The following CSPP1 variants were observed in gnomAD, a reference collection of about 807,000 sequenced individuals.
CSPP1 encodes centrosome and spindle pole-associated protein 1.
A neutral mutation model predicts 164.4 loss-of-function variants in CSPP1; 126 were observed. That is an observed-to-expected ratio of 0.77 (90% CI 0.66 to 0.89). CSPP1 has a LOEUF of 0.89. CSPP1 is among the 40% of genes least tolerant of loss of function. The pLI is 0.00. For missense variants in CSPP1, 1,395 were observed against 1,449.8 expected (o/e 0.96, Z 0.61); for synonymous variants, 472 against 476.7 (o/e 0.99, Z 0.13).
chr8:67,138,203 A>G (rs572573682), intron 17 of CSPP1, among the ~76,000 whole-genome samples: 2 of 152,320 alleles, frequency 1.3e-5, no homozygotes, highest in South Asian at 4.1e-4. Flanking sequence ...ACAACTTGTT[A>G]TATACAGTTG....
intron 3 of CSPP1, chr8:67,083,851 T>G (rs1236384685): frequency 1.3e-5 from 2 of 152,016 alleles, no homozygotes; most frequent in Non-Finnish European, 2.9e-5. Context: ...CTCTATGCAG[T>G]CAGACCGCTA....
intron 15 of CSPP1, among the ~76,000 whole-genome samples, chr8:67,130,216 AC>A (rs1820937237): frequency 6.6e-6 from 1 of 152,318 alleles, no homozygotes; most frequent in South Asian, 2.1e-4. Context: ...TATACTTAAT[AC>A]CCCAATTATT....
intron 21 of CSPP1, 43 bp downstream of exon 21, chr8:67,159,180 T>C (rs1316061524): frequency 2.0e-6 from 3 of 1,536,148 alleles, no homozygotes; most frequent in African/African-American, 1.4e-5. Flanking sequence ...ATAGTTTAAC[T>C]CACTTTCACT....
In CSPP1 at chr8:67,195,747, A is replaced by C. The variant is rs549823805; in HGVS notation, c.*154A>C. On this transcript the variant is annotated 3_prime_UTR_variant, in exon 31 of 31. Coordinates refer to ENST00000678616, the MANE Select transcript of CSPP1 (RefSeq NM_001382391.1). The stretch of plus-strand genomic sequence containing the variant: ...ATTTTTATCATGATGTATATTATGT[A>C]CATAAATAAAAGGCCATGATTATTG... 9.7e-6 allele frequency: 6 copies of C among 616,098 alleles called. No individual in the cohort carries two copies. Among genetic ancestry groups the C allele is most frequent in the Non-Finnish European group, 1.7e-5 (6 of 345,122 alleles). 38.2% of individuals were successfully genotyped at this position (616,098 alleles called of 1,614,324 possible).
intron 28 of CSPP1, among the ~76,000 whole-genome samples, chr8:67,186,964 A>AGCAT (rs1834781297): frequency 7.1e-6 from 1 of 141,430 alleles, no homozygotes; most frequent in Non-Finnish European, 1.5e-5. Flanking sequence ...GTATAAATCT[A>AGCAT]TCTATCATCT....
At chr8:67,187,687 A>G (rs1348030409) in intron 28 of CSPP1, among the ~76,000 whole-genome samples, 3 of 152,154 alleles carry the variant, frequency 2.0e-5, no homozygotes, top group African/African-American at 7.2e-5. Flanking sequence ...TTGTCTCAAA[A>G]AAAGAAAGAA....
intron 1 of CSPP1, among the ~76,000 whole-genome samples, chr8:67,066,744 TAC>T (rs1398135621): frequency 1.3e-5 from 2 of 152,076 alleles, no homozygotes; most frequent in African/African-American, 2.4e-5. Context: ...TACATATATA[TAC>T]ACACACACAT....
At chr8:67,068,053 T>G (rs1405818517) in intron 1 of CSPP1, among the ~76,000 whole-genome samples, 2 of 152,142 alleles carry the variant, frequency 1.3e-5, no homozygotes, top group Non-Finnish European at 2.9e-5. Flanking sequence ...TTTGCTGTGT[T>G]AGCCAGACTG....
chr8:67,188,899 C>T (rs1292242649), intron 28 of CSPP1, among the ~76,000 whole-genome samples: 5 of 152,154 alleles, frequency 3.3e-5, no homozygotes, highest in Admixed American at 3.3e-4. Context: ...AGAGCTTTAA[C>T]ATTCACCGCA....
chr8:67,084,390 A>G (rs1398308494), intron 3 of CSPP1: 3 of 152,324 alleles, frequency 2.0e-5, no homozygotes, highest in East Asian at 1.9e-4. Context: ...ACTTATGTTT[A>G]TATTACACTG....
At chr8:67,158,298 C>T (rs958921184) in intron 19 of CSPP1, 149 bp from the exon 20 acceptor site, 1 of 759,436 alleles carries the variant, frequency 1.3e-6, no homozygotes, top group Non-Finnish European at 2.0e-6. Context: ...AATCATGTAG[C>T]CTCCCTGAAA....
intron 24 of CSPP1, among the ~76,000 whole-genome samples, chr8:67,171,672 C>T (rs1310264386): frequency 6.6e-6 from 1 of 151,840 alleles, no homozygotes; most frequent in African/African-American, 2.4e-5. Context: ...CTCAGCCTCC[C>T]GAGTAGGTGG....
intron 8 of CSPP1, among the ~76,000 whole-genome samples, chr8:67,104,922 G>A (rs985836497): frequency 7.4e-6 from 1 of 136,036 alleles, no homozygotes; most frequent in Admixed American, 7.5e-5. Context: ...TTACAGGCAT[G>A]AGCCACTGCT....
At chr8:67,097,980 T>C (rs1308222601) in intron 7 of CSPP1, among the ~76,000 whole-genome samples, 3 of 151,762 alleles carry the variant, frequency 2.0e-5, no homozygotes, top group Non-Finnish European at 3.0e-5. Flanking sequence ...TTTTTTCTTA[T>C]GTGTCTCTTT....
intron 26 of CSPP1, among the ~76,000 whole-genome samples, chr8:67,176,211 G>A (rs1017963641): frequency 9.9e-5 from 15 of 152,068 alleles, no homozygotes; most frequent in African/African-American, 3.6e-4. Flanking sequence ...TCAGGCCATC[G>A]AGGTTAACCA....
At chr8:67,104,422 C>A (rs1330620602) in intron 8 of CSPP1, among the ~76,000 whole-genome samples, 2 of 151,898 alleles carry the variant, frequency 1.3e-5, no homozygotes, top group Non-Finnish European at 2.9e-5. Context: ...TGCCACTATG[C>A]CTGGCTAGTT....
intron 21 of CSPP1, among the ~76,000 whole-genome samples, chr8:67,159,509 C>CTT (rs1172369424): frequency 0.01 from 512 of 48,934 alleles, 113 homozygotes; most frequent in Non-Finnish European, 0.014. Flanking sequence ...TATATGTATT[C>CTT]TTTTTTTTTT....
intron 4 of CSPP1, among the ~76,000 whole-genome samples, chr8:67,086,503 C>T (rs1810430341): frequency 6.6e-6 from 1 of 151,982 alleles, no homozygotes; most frequent in Non-Finnish European, 1.5e-5. Context: ...TTCCTATGAG[C>T]CAAGCTTATA....
intron 1 of CSPP1, among the ~76,000 whole-genome samples, chr8:67,066,525 C>G (rs1238437102): frequency 2.0e-5 from 3 of 152,022 alleles, no homozygotes; most frequent in Admixed American, 2.0e-4. Context: ...TCTTCTCCCA[C>G]AGCCTTAATG....
Sources: gnomAD v4.1 joint callset for allele counts (sites outside exome capture counted in the v4.1 genomes callset) on GRCh38, gnomAD v4.1.1 for gene constraint, MANE v1.5 for transcripts, NCBI Gene and HGNC (gene_info 2026-07-23, HGNC 2026-07-21) for gene names.